FOXJ3: variants seen among roughly 807,000 people sequenced by gnomAD.
FOXJ3 encodes forkhead box J3, also known as forkhead box protein J3.
A neutral mutation model predicts 76.1 loss-of-function variants in FOXJ3; 22 were observed. The ratio of observed to expected loss-of-function variants is 0.29; its 90% CI spans 0.21 to 0.41. FOXJ3 has a LOEUF of 0.41. Ranked by LOEUF, FOXJ3 falls within the 10% of genes least tolerant of loss-of-function variation. The pLI is 1.00. For synonymous variants in FOXJ3, 269 were observed against 261.2 expected, an observed-to-expected ratio of 1.03 and a Z score of -0.29; for missense variants, 613 against 762.1, an observed-to-expected ratio of 0.80 and a Z score of 2.30.
chr1:42,237,309 T>C (rs1569994893), intron 4 of FOXJ3, among the ~76,000 whole-genome samples: 1 of 151,090 alleles, frequency 6.6e-6, no homozygotes, highest in Admixed American at 6.6e-5. Flanking sequence ...CGGGAGGCGG[T>C]GCTTGCAGTG....
At chr1:42,235,118 C>G (rs1262163781) in intron 4 of FOXJ3, among the ~76,000 whole-genome samples, 1 of 152,254 alleles carries the variant, frequency 6.6e-6, no homozygotes, top group African/African-American at 2.4e-5. Flanking sequence ...GCCCCTCCCA[C>G]AGCCTTGCTG....
At chr1:42,227,425 A>G (rs1324704407) in intron 5 of FOXJ3, among the ~76,000 whole-genome samples, 2 of 152,226 alleles carry the variant, frequency 1.3e-5, no homozygotes, top group South Asian at 2.1e-4. Context: ...GAATTATCTT[A>G]CAAGCAATAC....
intron 7 of FOXJ3, among the ~76,000 whole-genome samples, chr1:42,195,287 C>A (rs1646630636): frequency 6.6e-6 from 1 of 152,176 alleles, no homozygotes; most frequent in African/African-American, 2.4e-5. Flanking sequence ...CTCCATACTT[C>A]ACAGAAGGAA....
At chr1:42,326,371 A>G (rs1382959209) in intron 1 of FOXJ3, among the ~76,000 whole-genome samples, 1 of 152,248 alleles carries the variant, frequency 6.6e-6, no homozygotes, top group Non-Finnish European at 1.5e-5. Context: ...CTTAGAAAAT[A>G]TATACAGGTT....
upstream of FOXJ3, chr1:42,335,691 CG>C (rs1656456141): frequency 6.6e-6 from 1 of 152,300 alleles, no homozygotes; most frequent in African/African-American, 2.4e-5. Flanking sequence ...TGGCACACCG[CG>C]GATTCCGGGA....
intron 4 of FOXJ3, among the ~76,000 whole-genome samples, chr1:42,247,858 T>C (rs1230817410): frequency 6.6e-6 from 1 of 152,222 alleles, no homozygotes; most frequent in Non-Finnish European, 1.5e-5. Flanking sequence ...ATCTAAATGT[T>C]CTTCAGCTGG....
intron 11 of FOXJ3, among the ~76,000 whole-genome samples, chr1:42,184,423 C>CA (rs1419318131): frequency 1.3e-5 from 2 of 152,144 alleles, no homozygotes; most frequent in East Asian, 3.8e-4. Context: ...GTAATTCCAT[C>CA]ATATGCGTAA....
In FOXJ3 at chr1:42,334,348, C is replaced by G. The variant is rs527726024; in HGVS notation, c.-18+711G>C. ...CTGACCCTAACACCTTCCACGCCAC[C>G]CGGAGGAAATCACAGAGGAAAAACC... On this transcript the variant is annotated intron_variant, in intron 1 of 12. Transcript: ENST00000361346. Among the ~76,000 whole-genome samples, 4 of 152,324 alleles carry G rather than the reference C, an allele frequency of 2.6e-5. No homozygotes were observed. The East Asian group carries it at 7.7e-4, about 29-fold the overall frequency.
chr1:42,330,428 G>A (rs1266998382), intron 1 of FOXJ3, among the ~76,000 whole-genome samples: 5 of 152,052 alleles, frequency 3.3e-5, no homozygotes, highest in Admixed American at 6.6e-5. Flanking sequence ...ACTTGAGCCC[G>A]GGAGTTAGCG....
chr1:42,243,459 G>A (rs1649306883), intron 4 of FOXJ3, among the ~76,000 whole-genome samples: 1 of 152,058 alleles, frequency 6.6e-6, no homozygotes, highest in Non-Finnish European at 1.5e-5. Context: ...CCACTTAAAA[G>A]GTACAGACTA....
chr1:42,255,173 CAAAG>C (rs749577936), intron 4 of FOXJ3, among the ~76,000 whole-genome samples: 1 of 151,892 alleles, frequency 6.6e-6, no homozygotes, highest in Non-Finnish European at 1.5e-5. Flanking sequence ...GACAATAGCA[CAAAG>C]AAAGGAATGT....
intron 4 of FOXJ3, among the ~76,000 whole-genome samples, chr1:42,255,236 T>C (rs1016413107): frequency 3.3e-5 from 5 of 152,122 alleles, no homozygotes; most frequent in African/African-American, 1.2e-4. Context: ...TTTAAATGGA[T>C]GGCAAGAGGT....
chr1:42,283,989 G>A (rs1326003514), intron 2 of FOXJ3, among the ~76,000 whole-genome samples: 1 of 152,160 alleles, frequency 6.6e-6, no homozygotes, highest in African/African-American at 2.4e-5. Flanking sequence ...TCCTGAACAT[G>A]GAAGCCAGAT....
At chr1:42,266,224 G>A (rs1011723718) in intron 3 of FOXJ3, among the ~76,000 whole-genome samples, 8 of 152,016 alleles carry the variant, frequency 5.3e-5, no homozygotes, top group Non-Finnish European at 1.2e-4. Flanking sequence ...AATTTTAAAC[G>A]TTTTTAAAAG....
chr1:42,292,650 G>C (rs918443559), intron 2 of FOXJ3, among the ~76,000 whole-genome samples: 12 of 152,218 alleles, frequency 7.9e-5, no homozygotes, highest in African/African-American at 2.9e-4. Context: ...CAGAGGGACA[G>C]CAAGGAAGAA....
intron 2 of FOXJ3, among the ~76,000 whole-genome samples, chr1:42,293,869 C>A (rs1381372767): frequency 6.6e-6 from 1 of 152,156 alleles, no homozygotes; most frequent in Non-Finnish European, 1.5e-5. Flanking sequence ...TGGATCCCTA[C>A]ACTAAAAGCC....
At chr1:42,195,339 A>G (rs374526630) in intron 7 of FOXJ3, among the ~76,000 whole-genome samples, 86 of 152,382 alleles carry the variant, frequency 5.6e-4, no homozygotes, top group African/African-American at 1.9e-3. Context: ...GATCATACAA[A>G]TAAGTGATGA....
intron 4 of FOXJ3, among the ~76,000 whole-genome samples, chr1:42,255,178 A>G (rs1650478385): frequency 6.6e-6 from 1 of 152,222 alleles, no homozygotes; most frequent in African/African-American, 2.4e-5. Context: ...TAGCACAAAG[A>G]AAGGAATGTA....
Position 42,194,977 on chromosome 1 carries a change from G to C in FOXJ3, c.847C>G (p.Leu283Val). The C allele has an allele frequency of 6.2e-7, 1 of 1,613,112 alleles. No individual in the cohort carries two copies. Among genetic ancestry groups the C allele is most frequent in the Non-Finnish European group, 8.5e-7 (1 of 1,179,282 alleles). ...YNLPERDKQL[L>V]FSEYNFEDLS... is the part of the protein sequence containing the mutation. ...TCTTCAAAATTATATTCTGAGAAAA[G>C]TAGTTGCTTGTCTCTTTCTGGAAGG... The change falls in exon 8 of 13, where the codon CTT becomes GTT. Residue 283 changes from leucine to valine, a missense_variant. Coordinates refer to ENST00000361346, the MANE Select transcript of FOXJ3 (RefSeq NM_014947.5).
Sources: allele counts gnomAD v4.1 joint callset (sites outside exome capture counted in the v4.1 genomes callset), GRCh38; gene constraint gnomAD v4.1.1; transcripts MANE v1.5; gene names NCBI Gene and HGNC (gene_info 2026-07-23, HGNC 2026-07-21).